Variants in HORMAD2 observed in about 807,000 individuals in gnomAD.
The protein encoded by HORMAD2 is HORMA domain containing 2.
In HORMAD2, 45 loss-of-function variants were observed where a neutral mutation model predicts 38.8. The observed-to-expected ratio is 1.16, with a 90% confidence interval of 0.91 to 1.49. The LOEUF (loss-of-function observed/expected upper bound fraction) is 1.49. Ranked by LOEUF, HORMAD2 falls within the 40% of genes most tolerant of loss-of-function variation. HORMAD2 has a pLI of 0.00. For missense variants in HORMAD2, 338 were observed against 367.0 expected (o/e 0.92, Z 0.65); for synonymous variants, 126 against 122.8 (o/e 1.03, Z -0.17).
intron 10 of HORMAD2, among the ~76,000 whole-genome samples, chr22:30,154,786 G>T (rs928928078): frequency 3.9e-5 from 6 of 152,012 alleles, no homozygotes; most frequent in Non-Finnish European, 8.8e-5. Context: ...AATAACATAG[G>T]GCTGGGCATG....
chr22:30,120,480 C>A (rs17648606), intron 8 of HORMAD2, among the ~76,000 whole-genome samples: 1 of 152,290 alleles, frequency 6.6e-6, no homozygotes, highest in Admixed American at 6.5e-5. Flanking sequence ...ATATTAAGAG[C>A]TAACTATGTG....
intron 1 of HORMAD2, among the ~76,000 whole-genome samples, chr22:30,087,176 T>G (rs1000835764): frequency 6.6e-6 from 1 of 152,098 alleles, no homozygotes; most frequent in African/African-American, 2.4e-5. Context: ...TTGAGAAATA[T>G]TAAGGTGATG....
chr22:30,186,309 G>C, the HORMAD2 span, among the ~76,000 whole-genome samples: 1 of 146,148 alleles, frequency 6.8e-6, no homozygotes, highest in East Asian at 2.0e-4. Context: ...GTGCCATCTT[G>C]TTTTCTCTCC....
chr22:30,182,712 G>T, the HORMAD2 span, among the ~76,000 whole-genome samples: 1 of 152,172 alleles, frequency 6.6e-6, no homozygotes, highest in Non-Finnish European at 1.5e-5. Flanking sequence ...GATTGCTTGA[G>T]CCCAAGAGTT....
chr22:30,161,697 A>G (rs951247243), intron 10 of HORMAD2, among the ~76,000 whole-genome samples: 7 of 152,098 alleles, frequency 4.6e-5, no homozygotes, highest in Non-Finnish European at 2.9e-5. Context: ...TATAATTTTT[A>G]AAAGCCTAAT....
At chr22:30,080,810 G>A (rs2068457296) in intron 1 of HORMAD2, among the ~76,000 whole-genome samples, 1 of 152,106 alleles carries the variant, frequency 6.6e-6, no homozygotes, top group Non-Finnish European at 1.5e-5. Context: ...GAGCCATGAT[G>A]AGGCTGGCAG....
the HORMAD2 span, among the ~76,000 whole-genome samples, chr22:30,202,847 C>G: frequency 6.6e-6 from 1 of 152,202 alleles, no homozygotes; most frequent in South Asian, 2.1e-4. Flanking sequence ...GGCCTCCACT[C>G]TCAGCGGCTG....
rs1252724405 is a variant in HORMAD2 at position 30,176,509 on chromosome 22, A to C, written c.*342A>C. Reference sequence around the variant, plus strand: ...AAGGAAAGAAGGATTTTTTTGCATAATTAAACTCTTCAGCTATTTAGACTA... The same window carrying C: ...AAGGAAAGAAGGATTTTTTTGCATACTTAAACTCTTCAGCTATTTAGACTA... On this transcript the variant is annotated 3_prime_UTR_variant, in exon 11 of 11. Coordinates refer to ENST00000336726, the MANE Select transcript of HORMAD2 (RefSeq NM_152510.4). 2.6e-5 allele frequency: 6 copies of C among 226,420 alleles called. No individual in the cohort carries two copies. Among genetic ancestry groups the C allele is most frequent in the Non-Finnish European group, 5.3e-5 (6 of 112,886 alleles). The allele number at this position is 226,420 out of a possible 1,614,324, so 14.0% of individuals were successfully genotyped here.
chr22:30,100,136 A>T (rs1339799790), intron 3 of HORMAD2, among the ~76,000 whole-genome samples: 1 of 152,190 alleles, frequency 6.6e-6, no homozygotes, highest in Non-Finnish European at 1.5e-5. Flanking sequence ...AGAAAATCCT[A>T]AGCAAAAAGA....
chr22:30,175,143 C>T (rs914105986), intron 10 of HORMAD2, among the ~76,000 whole-genome samples: 15 of 147,690 alleles, frequency 1.0e-4, no homozygotes, highest in African/African-American at 2.5e-4. Flanking sequence ...GCCTCTCCTA[C>T]GAAGGACAAA....
At chr22:30,104,554 T>C (rs1284480129) in intron 5 of HORMAD2, 117 bp downstream of exon 5, 4 of 730,336 alleles carry the variant, frequency 5.5e-6, no homozygotes, top group Non-Finnish European at 8.9e-6. Flanking sequence ...TACGTTTGCA[T>C]CCATAAACTA....
intron 10 of HORMAD2, among the ~76,000 whole-genome samples, chr22:30,148,371 G>A (rs1924547722): frequency 6.6e-6 from 1 of 152,144 alleles, no homozygotes; most frequent in Admixed American, 6.5e-5. Flanking sequence ...GTGTTTGCCT[G>A]GTGTGGGGGT....
chr22:30,103,650 T>C (rs1195971124), intron 4 of HORMAD2, 150 bp downstream of exon 4: 1 of 39,082 alleles, frequency 2.6e-5, no homozygotes, highest in African/African-American at 1.9e-4. Context: ...CTGTTTTTGA[T>C]TTTTTTTTTT....
chr22:30,195,104 A>T, the HORMAD2 span, among the ~76,000 whole-genome samples: 7 of 151,624 alleles, frequency 4.6e-5, no homozygotes, highest in South Asian at 1.5e-3. Context: ...GAGGCAAGAG[A>T]ATTGCTTGAA....
intron 5 of HORMAD2, among the ~76,000 whole-genome samples, chr22:30,107,214 A>G (rs1169399580): frequency 6.6e-6 from 1 of 152,232 alleles, no homozygotes; most frequent in Non-Finnish European, 1.5e-5. Flanking sequence ...TATAAGTATT[A>G]CATGTACTAA....
At chr22:30,080,918 G>A (rs540384597) in intron 1 of HORMAD2, 1 of 152,380 alleles carries the variant, frequency 6.6e-6, no homozygotes, top group South Asian at 2.1e-4. Flanking sequence ...CAGCCATTGA[G>A]GTTTTCTGCC....
chr22:30,133,623 G>A (rs1293331874), intron 10 of HORMAD2, among the ~76,000 whole-genome samples: 1 of 150,764 alleles, frequency 6.6e-6, no homozygotes, highest in African/African-American at 2.4e-5. Context: ...AGCCAACTGT[G>A]GGTTTAAACT....
the HORMAD2 span, among the ~76,000 whole-genome samples, chr22:30,205,301 C>T: frequency 1.3e-5 from 2 of 152,122 alleles, no homozygotes; most frequent in Non-Finnish European, 1.5e-5. Context: ...GAGCCACTGG[C>T]TTCCTAACCA....
chr22:30,085,128 A>G (rs140907053), intron 1 of HORMAD2, among the ~76,000 whole-genome samples: 2,469 of 151,596 alleles, frequency 0.016, 67 homozygotes, highest in African/African-American at 0.057. Flanking sequence ...CCTGGGCAAC[A>G]GAGCCAGACT....
Sources: allele counts gnomAD v4.1 joint callset (sites outside exome capture counted in the v4.1 genomes callset), GRCh38; gene constraint gnomAD v4.1.1; transcripts MANE v1.5; gene names NCBI Gene and HGNC (gene_info 2026-07-23, HGNC 2026-07-21).